KIAA1210: variants seen among roughly 807,000 people sequenced by gnomAD.
KIAA1210 encodes acrosomal protein KIAA1210.
Under a neutral mutation model 78.9 loss-of-function variants are expected in KIAA1210, and 48 were observed. The ratio of observed to expected loss-of-function variants is 0.61; its 90% confidence interval spans 0.48 to 0.77. The LOEUF is 0.77. Among genes scored for constraint, KIAA1210 ranks in the 30% least tolerant of loss-of-function variants. The probability of loss-of-function intolerance (pLI) is 0.00; values close to 1 mark genes in which losing one functional copy is unlikely to be tolerated. For synonymous variants in KIAA1210, 406 were observed against 404.5 expected, an observed-to-expected ratio of 1.00 and a Z score of -0.04; for missense variants, 1,108 against 1,100.0, an observed-to-expected ratio of 1.01 and a Z score of -0.10.
rs766981184 is a variant in KIAA1210, at chrX:119,109,056, A to G, written c.357+20T>C. 17 of 1,205,342 alleles carry G rather than the reference A, an allele frequency of 1.4e-5. No homozygotes were observed. The African/African-American group carries it at 1.6e-4, about 11-fold the overall frequency. ...AGAGAAGTAGTCCAATTAGACACTG[A>G]TGCTCGAGTCCACTATTACCTGCTG... On this transcript the variant is annotated intron_variant, in intron 4 of 11. Coordinates refer to ENST00000691062, the MANE Select transcript of KIAA1210 (RefSeq NM_001394962.1).
At chrX:119,116,172 A>G (rs914516918) in intron 3 of KIAA1210, among the ~76,000 whole-genome samples, 2 of 111,734 alleles carry the variant, frequency 1.8e-5, no homozygotes, top group Non-Finnish European at 3.8e-5. Context: ...CAGGCCCCAC[A>G]TCTCAAGTTA....
intron 2 of KIAA1210, among the ~76,000 whole-genome samples, chrX:119,134,345 T>C (rs1424991607): frequency 8.9e-6 from 1 of 112,737 alleles, no homozygotes; most frequent in Non-Finnish European, 1.9e-5. Flanking sequence ...CCATTGTGTA[T>C]ATATACTGCA....
intron 8 of KIAA1210, among the ~76,000 whole-genome samples, chrX:119,092,792 TA>T (rs1927425230): frequency 9.3e-6 from 1 of 107,669 alleles, no homozygotes; most frequent in Admixed American, 1.0e-4. Context: ...AATAAATAAA[TA>T]AATAAATAAA....
chrX:119,114,859 C>A (rs777267843), intron 3 of KIAA1210, among the ~76,000 whole-genome samples: 1 of 111,128 alleles, frequency 9.0e-6, no homozygotes, highest in South Asian at 3.8e-4. Flanking sequence ...TCCCTGGAGG[C>A]GAAAATAAAA....
intron 2 of KIAA1210, among the ~76,000 whole-genome samples, chrX:119,136,911 A>G (rs1000377805): frequency 9.0e-6 from 1 of 110,825 alleles, no homozygotes; most frequent in South Asian, 3.9e-4. Flanking sequence ...TACCCCAGCC[A>G]TGGCATCACC....
intron 8 of KIAA1210, among the ~76,000 whole-genome samples, chrX:119,091,609 G>A (rs762795640): frequency 2.7e-5 from 3 of 111,292 alleles, no homozygotes; most frequent in Non-Finnish European, 1.9e-5. Flanking sequence ...AGGGTCCCTC[G>A]CTGCCTTTCT....
At position 119,084,235 on chromosome X, in the gene KIAA1210, G is replaced by A. The variant is rs761740375; in HGVS notation, c.4321-1115C>T. 2.7e-5 allele frequency among the ~76,000 whole-genome samples: 3 copies of A among 110,399 alleles called. No homozygotes were observed. The South Asian group carries it at 1.2e-3, about 43-fold the overall frequency. On this transcript the variant is annotated intron_variant, in intron 10 of 11. Transcript: ENST00000691062. ...GTTTCCTTGAGTCAGTTTTCTGCAG[G>A]TTTGATAAGAGGGGAGAAAGGCATC...
chrX:119,117,908 G>A lies in KIAA1210; in HGVS notation c.62-1244C>T, dbSNP rs964833969. On this transcript the variant is annotated intron_variant, in intron 2 of 11. Transcript: ENST00000691062. ...AATTACAGGCATGAGCCACCACGCC[G>A]GGCCTCTTTAGTTTCTTAATAAGCA... 7.2e-5 allele frequency among the ~76,000 whole-genome samples: 8 copies of A among 111,248 alleles called. 1 individual carries two copies. Among genetic ancestry groups the A allele is most frequent in the Non-Finnish European group, 1.5e-4 (8 of 53,055 alleles).
intron 6 of KIAA1210, among the ~76,000 whole-genome samples, chrX:119,100,926 T>G (rs777833115): frequency 8.9e-6 from 1 of 112,302 alleles, no homozygotes; most frequent in Non-Finnish European, 1.9e-5. Flanking sequence ...TATCTGGAAT[T>G]AAATGGGCTC....
intron 2 of KIAA1210, among the ~76,000 whole-genome samples, chrX:119,136,116 A>G: frequency 8.9e-6 from 1 of 111,980 alleles, no homozygotes; most frequent in Non-Finnish European, 1.9e-5. Context: ...AATTTTACAT[A>G]GCTCATTGGA....
At chrX:119,094,169 C>A (rs1922207065) in intron 7 of KIAA1210, 1 of 621,075 alleles carries the variant, frequency 1.6e-6, no homozygotes, top group East Asian at 3.3e-5. Flanking sequence ...TTTGCTTCAC[C>A]AGACCTGTGA....
upstream of KIAA1210, among the ~76,000 whole-genome samples, chrX:119,128,656 CT>C (rs1209873620): frequency 8.8e-4 from 98 of 111,151 alleles, no homozygotes; most frequent in African/African-American, 3.0e-3. Context: ...TCCCATTATT[CT>C]TTTTTTATTT....
chrX:119,089,248 T>C lies in KIAA1210; in HGVS notation c.1454A>G (p.Glu485Gly), dbSNP rs1172173699. 1 of 1,211,674 alleles carries C rather than the reference T, an allele frequency of 8.3e-7. No individual in the cohort carries two copies. The highest frequency in any genetic ancestry group is 3.0e-5 in the East Asian group (1 of 33,863). Residue 485 changes from glutamate (E) to glycine (G), a missense_variant, in exon 9 of 12, where the codon GAG becomes GGG. Physicochemically the swap from Glu to Gly is moderately conservative, Grantham distance 98 (BLOSUM62 -2). Transcript: ENST00000691062. ...PYHEDAASGA[E>G]KTEARASLSL... Reference sequence around the variant, plus strand: ...GAGAGAAGCTCTGGCTTCTGTCTTCTCAGCTCCAGAAGCTGCATCTTCATG... The same window carrying C: ...GAGAGAAGCTCTGGCTTCTGTCTTCCCAGCTCCAGAAGCTGCATCTTCATG...
intron 1 of KIAA1210, among the ~76,000 whole-genome samples, chrX:119,149,498 G>A (rs988459767): frequency 9.0e-6 from 1 of 111,240 alleles, no homozygotes; most frequent in African/African-American, 3.3e-5. Context: ...TGAGTGAGGT[G>A]GGTTTCTGGC....
At chrX:119,107,715 A>G (rs1927934548) in intron 5 of KIAA1210, among the ~76,000 whole-genome samples, 1 of 111,846 alleles carries the variant, frequency 8.9e-6, no homozygotes, top group African/African-American at 3.2e-5. Context: ...CTTTTGCCAA[A>G]TGGAAAATAA....
In KIAA1210 at chrX:119,089,466, G is replaced by A; in HGVS notation, c.1236C>T (p.Ser412=). Residue 412 remains serine, a synonymous_variant, in exon 9 of 12, where the codon TCC becomes TCT. Coordinates refer to ENST00000691062, the MANE Select transcript of KIAA1210 (RefSeq NM_001394962.1). ...TARNVPFSHL[S]LEKDNMEQPT... ...GCTGCTCCATGTTGTCCTTCTCTAA[G>A]GACAAGTGCGAGAAAGGGACATTCC... 1 of 1,211,878 alleles carries A rather than the reference G, an allele frequency of 8.3e-7. No homozygotes were observed. The highest frequency in any genetic ancestry group is 1.1e-6 in the Non-Finnish European group (1 of 895,484).
intron 3 of KIAA1210, among the ~76,000 whole-genome samples, chrX:119,112,730 C>G (rs1928120509): frequency 9.0e-6 from 1 of 111,684 alleles, no homozygotes; most frequent in Non-Finnish European, 1.9e-5. Flanking sequence ...GCTGGTGGTG[C>G]CCCCATACAT....
At chrX:119,081,586 G>T in intron 11 of KIAA1210, 82 bp from the exon 12 acceptor site, 3 of 960,200 alleles carry the variant, frequency 3.1e-6, no homozygotes, top group Non-Finnish European at 4.3e-6. Context: ...GCCATATAAT[G>T]TTTCCTCCTT....
rs1927279052 is a variant in KIAA1210, at chrX:119,089,160, C to A, written c.1542G>T (p.Glu514Asp). ...QEEAILSVAA[E>D]AQVFMNPSHI... ...GAGAAGGATTCATAAACACCTGAGC[C>A]TCTGCTGCTACTGAGAGAATGGCCT... Residue 514 changes from glutamate to aspartate, a missense_variant, in exon 9 of 12, where the codon GAG becomes GAT. Physicochemically the swap from Glu to Asp is conservative, Grantham distance 45. Around this residue, in one of 5 missense-constraint regions of KIAA1210, gnomAD observed 672 missense variants for 607.1 expected, o/e 1.11. Transcript: ENST00000691062. 1 of 1,210,996 alleles carries A rather than the reference C, an allele frequency of 8.3e-7. No homozygotes were observed. Among genetic ancestry groups the A allele is most frequent in the Admixed American group, 2.2e-5 (1 of 46,036 alleles).
Sources: gnomAD v4.1 joint callset for allele counts (sites outside exome capture counted in the v4.1 genomes callset) on GRCh38, gnomAD v4.1.1 for gene constraint, gnomAD v4.1.1 regional missense constraint, MANE v1.5 for transcripts, NCBI Gene and HGNC (gene_info 2026-07-23, HGNC 2026-07-21) for gene names.